The following PLEKHA5 variants were observed in gnomAD, a reference collection of about 807,000 sequenced individuals.
The protein encoded by PLEKHA5 is pleckstrin homology domain-containing family A member 5.
Under a neutral mutation model 181.9 loss-of-function variants are expected in PLEKHA5, and 55 were observed. The observed-to-expected ratio is 0.30, with a 90% CI of 0.24 to 0.38. PLEKHA5 has a LOEUF of 0.38. Ranked by LOEUF, PLEKHA5 falls within the 10% of genes least tolerant of loss-of-function variation. The pLI is 1.00. For missense variants in PLEKHA5, 1,432 were observed against 1,549.5 expected (o/e 0.92, Z 1.27); for synonymous variants, 535 against 529.4 (o/e 1.01, Z -0.15).
At chr12:19,274,398 C>T in intron 10 of PLEKHA5, 118 bp from the exon 11 acceptor site, 2 of 655,012 alleles carry the variant, frequency 3.1e-6, no homozygotes, top group South Asian at 4.0e-5. Context: ...TCCACTGTGA[C>T]CCTTTCCAGT....
chr12:19,154,957 A>G (rs572507755), intron 3 of PLEKHA5, among the ~76,000 whole-genome samples: 5 of 152,280 alleles, frequency 3.3e-5, no homozygotes, highest in Admixed American at 2.6e-4. Flanking sequence ...ATGTGTCAGT[A>G]TTAGGTCAAA....
chr12:19,161,445 A>C (rs985416713), intron 3 of PLEKHA5, among the ~76,000 whole-genome samples: 5 of 152,214 alleles, frequency 3.3e-5, no homozygotes, highest in African/African-American at 1.2e-4. Flanking sequence ...TTGGGTGTTA[A>C]AAACTAACAG....
intron 20 of PLEKHA5, among the ~76,000 whole-genome samples, chr12:19,322,970 T>C (rs1219378752): frequency 6.7e-6 from 1 of 149,830 alleles, no homozygotes; most frequent in African/African-American, 2.5e-5. Flanking sequence ...TGCTTCAGCC[T>C]CCCAAGTAGC....
intron 3 of PLEKHA5, among the ~76,000 whole-genome samples, chr12:19,240,089 T>A (rs2062189241): frequency 1.3e-5 from 2 of 152,228 alleles, no homozygotes. Context: ...TTTTTATTCT[T>A]GAAGAAATTG....
At chr12:19,187,952 A>G (rs974491693) in intron 3 of PLEKHA5, among the ~76,000 whole-genome samples, 9 of 152,194 alleles carry the variant, frequency 5.9e-5, no homozygotes, top group Non-Finnish European at 1.0e-4. Context: ...ACCAAGCTTC[A>G]CAGAAACGAC....
chr12:19,300,979 A>C (rs1021943443), intron 15 of PLEKHA5, among the ~76,000 whole-genome samples: 2 of 150,780 alleles, frequency 1.3e-5, no homozygotes, highest in Non-Finnish European at 3.0e-5. Flanking sequence ...TACTAAAAAA[A>C]AAAAAAAAAA....
At chr12:19,366,345 A>G (rs2095422064) in intron 30 of PLEKHA5, among the ~76,000 whole-genome samples, 1 of 152,086 alleles carries the variant, frequency 6.6e-6, no homozygotes, top group African/African-American at 2.4e-5. Flanking sequence ...TTTAACACAT[A>G]GAGTAAACTT....
At chr12:19,164,662 A>G (rs1565887621) in intron 3 of PLEKHA5, among the ~76,000 whole-genome samples, 1 of 152,014 alleles carries the variant, frequency 6.6e-6, no homozygotes, top group South Asian at 2.1e-4. Flanking sequence ...AAGACAACTC[A>G]GTCTTGTCCC....
intron 3 of PLEKHA5, among the ~76,000 whole-genome samples, chr12:19,189,423 C>A (rs1290516115): frequency 6.6e-6 from 1 of 152,052 alleles, no homozygotes; most frequent in Non-Finnish European, 1.5e-5. Context: ...CATAGGATTT[C>A]TTGGGTTAGA....
intron 3 of PLEKHA5, among the ~76,000 whole-genome samples, chr12:19,192,300 A>C (rs1300864787): frequency 6.6e-6 from 1 of 152,164 alleles, no homozygotes; most frequent in Non-Finnish European, 1.5e-5. Context: ...AGAAAATGAG[A>C]TTCATGAGGA....
chr12:19,169,519 C>T lies in PLEKHA5; in HGVS notation c.227+37069C>T, dbSNP rs148150943. 1.2e-4 allele frequency among the ~76,000 whole-genome samples: 18 copies of T among 152,224 alleles called. No homozygotes were observed. In the East Asian group the frequency reaches 3.3e-3, roughly 28 times the overall value. On this transcript the variant is annotated intron_variant, in intron 3 of 31. Transcript: ENST00000429027. Reference sequence around the variant, plus strand: ...GAAACATCTACCAGTGATTTAATACCATCTTGTCTATGAGAACAAGCTACC... The same window carrying T: ...GAAACATCTACCAGTGATTTAATACTATCTTGTCTATGAGAACAAGCTACC...
At chr12:19,315,082 C>T (rs551743566) in intron 16 of PLEKHA5, among the ~76,000 whole-genome samples, 188 bp downstream of exon 16, 5 of 151,484 alleles carry the variant, frequency 3.3e-5, no homozygotes, top group South Asian at 2.1e-4. Context: ...AGCATGGCTT[C>T]GCTGAACATT....
intron 3 of PLEKHA5, chr12:19,151,772 A>G (rs1203188803): frequency 6.6e-6 from 1 of 152,138 alleles, no homozygotes; most frequent in African/African-American, 2.4e-5. Context: ...TGTCAAGTGT[A>G]AAATTCAAAG....
intron 3 of PLEKHA5, chr12:19,176,582 A>C (rs1043395796): frequency 6.6e-6 from 1 of 152,190 alleles, no homozygotes; most frequent in Non-Finnish European, 1.5e-5. Flanking sequence ...GTGAGCCACC[A>C]TGCCTGCCTT....
At chr12:19,187,777 A>C (rs1388688140) in intron 3 of PLEKHA5, among the ~76,000 whole-genome samples, 3 of 152,206 alleles carry the variant, frequency 2.0e-5, no homozygotes, top group Non-Finnish European at 4.4e-5. Context: ...TCTCTACCTT[A>C]CTGAGGTGTA....
intron 20 of PLEKHA5, among the ~76,000 whole-genome samples, chr12:19,334,864 A>C (rs1195781051): frequency 1.7e-5 from 1 of 60,516 alleles, no homozygotes; most frequent in Non-Finnish European, 3.7e-5. Flanking sequence ...ATATATATAT[A>C]TATATCTCTG....
At chr12:19,303,773 G>A (rs375797350) in intron 15 of PLEKHA5, 7 of 143,770 alleles carry the variant, frequency 4.9e-5, no homozygotes, top group East Asian at 4.1e-4. Flanking sequence ...GTGAGACCCC[G>A]TTGTTTTTGT....
intron 25 of PLEKHA5, among the ~76,000 whole-genome samples, chr12:19,350,666 G>A (rs1449566168): frequency 6.6e-6 from 1 of 152,056 alleles, no homozygotes; most frequent in Non-Finnish European, 1.5e-5. Flanking sequence ...CTACTCGGGA[G>A]GCAGAGGCAG....
intron 3 of PLEKHA5, among the ~76,000 whole-genome samples, chr12:19,189,478 A>T (rs187477401): frequency 2.0e-5 from 3 of 152,160 alleles, no homozygotes; most frequent in Admixed American, 2.0e-4. Flanking sequence ...AGCTGAGTGG[A>T]GAGTTCATGC....
Sources: gnomAD v4.1 joint callset for allele counts (sites outside exome capture counted in the v4.1 genomes callset) on GRCh38, gnomAD v4.1.1 for gene constraint, MANE v1.5 for transcripts, NCBI Gene and HGNC (gene_info 2026-07-23, HGNC 2026-07-21) for gene names.